PPM1L: variants seen among roughly 807,000 people sequenced by gnomAD.
The protein encoded by PPM1L is protein phosphatase 1L.
A neutral mutation model predicts 31.4 loss-of-function variants in PPM1L; 13 were observed. That is an observed-to-expected ratio of 0.41 (90% CI 0.27 to 0.66). The LOEUF (loss-of-function observed/expected upper bound fraction) is 0.66, where lower values mean the gene tolerates loss of function less well. Ranked by LOEUF, PPM1L falls within the 30% of genes least tolerant of loss-of-function variation. The probability of loss-of-function intolerance (pLI) is 0.29; values close to 1 mark genes in which losing one functional copy is unlikely to be tolerated. For synonymous variants in PPM1L, 184 were observed against 175.4 expected (o/e 1.05, Z -0.39); for missense variants, 326 against 453.7 (o/e 0.72, Z 2.56).
rs562643688 is a variant in PPM1L, at chr3:160,757,911, G to C, written c.399+1204G>C. On this transcript the variant is annotated intron_variant, in intron 1 of 3. Coordinates refer to ENST00000498165, the MANE Select transcript of PPM1L (RefSeq NM_139245.4). ...AGCATTTGCTTGTTCTTTGGCCTTT[G>C]TTTTGGGTAAACATTGAGAAAGCTT... Among the ~76,000 whole-genome samples the C allele has an allele frequency of 2.6e-5, 4 of 152,226 alleles. No individual in the cohort carries two copies. In the South Asian group the frequency reaches 8.3e-4, roughly 32 times the overall value.
chr3:160,927,692 A>C (rs970252560), intron 1 of PPM1L, among the ~76,000 whole-genome samples: 3 of 152,170 alleles, frequency 2.0e-5, no homozygotes, highest in Non-Finnish European at 2.9e-5. Context: ...TCTATAAGAA[A>C]AGCTATTTGC....
At chr3:161,047,865 G>A (rs140755549) in intron 2 of PPM1L, among the ~76,000 whole-genome samples, 246 of 152,294 alleles carry the variant, frequency 1.6e-3, no homozygotes, top group African/African-American at 5.7e-3. Context: ...GAATGGTGTT[G>A]GGAAAACTGG....
In PPM1L at chr3:161,074,201, A is replaced by C. The variant is rs1389178299; in HGVS notation, c.*5044A>C. 1 of 152,190 alleles carries C rather than the reference A, an allele frequency of 6.6e-6. No individual in the cohort carries two copies. Among genetic ancestry groups the C allele is most frequent in the Non-Finnish European group, 1.5e-5 (1 of 68,044 alleles). The allele number at this position is 152,190 out of a possible 1,614,324, so 9.4% of individuals were successfully genotyped here. On this transcript the variant is annotated 3_prime_UTR_variant, in exon 4 of 4. Transcript: ENST00000498165. ...GGATTCAGTGAAATAATTTGAAATC[A>C]ATTAGAGCTCATACCTTCTAAAACT... is the stretch of plus-strand genomic sequence containing the variant.
chr3:160,905,621 C>T (rs374664916), intron 1 of PPM1L, among the ~76,000 whole-genome samples: 154 of 152,074 alleles, frequency 1.0e-3, no homozygotes, highest in African/African-American at 3.5e-3. Context: ...TTGTTTTAAG[C>T]GATTATAACA....
At chr3:160,770,761 C>T (rs1318106739) in intron 1 of PPM1L, among the ~76,000 whole-genome samples, 1 of 152,204 alleles carries the variant, frequency 6.6e-6, no homozygotes, top group South Asian at 2.1e-4. Context: ...AGTGGGAGCT[C>T]TGGAGCCATT....
intron 1 of PPM1L, among the ~76,000 whole-genome samples, chr3:160,784,721 A>G (rs542495787): frequency 1.3e-5 from 2 of 152,330 alleles, no homozygotes; most frequent in African/African-American, 2.4e-5. Flanking sequence ...TAATCACTCT[A>G]TCAAACATTA....
chr3:161,048,378 C>T (rs1001139741), intron 2 of PPM1L, among the ~76,000 whole-genome samples: 29 of 152,074 alleles, frequency 1.9e-4, no homozygotes, highest in Non-Finnish European at 3.5e-4. Context: ...AACCACAATG[C>T]GATACCATCT....
At chr3:161,062,876 C>G (rs909521576) in intron 2 of PPM1L, among the ~76,000 whole-genome samples, 1 of 152,152 alleles carries the variant, frequency 6.6e-6, no homozygotes, top group Non-Finnish European at 1.5e-5. Flanking sequence ...AATGGAAACG[C>G]CTACTAGGCA....
At chr3:160,827,479 GTGTGTA>G (rs1713391551) in intron 1 of PPM1L, among the ~76,000 whole-genome samples, 1 of 150,766 alleles carries the variant, frequency 6.6e-6, no homozygotes, top group African/African-American at 2.4e-5. Flanking sequence ...GTGTGTGTGT[GTGTGTA>G]TGTATGTGTG....
chr3:160,827,481 G>GTGTGTGTGTGTGTGTGTGTATGTA (rs1553810064), intron 1 of PPM1L, among the ~76,000 whole-genome samples: 7 of 150,684 alleles, frequency 4.6e-5, no homozygotes, highest in Non-Finnish European at 7.4e-5. Flanking sequence ...GTGTGTGTGT[G>GTGTGTGTGTGTGTGTGTGTATGTA]TGTATGTATG....
rs1720108669 is a variant in PPM1L, at chr3:161,076,659, T to C, written c.*7502T>C. 1 of 152,138 alleles carries C rather than the reference T, an allele frequency of 6.6e-6. No individual in the cohort carries two copies. 9.4% of individuals were successfully genotyped at this position (152,138 alleles called of 1,614,324 possible). A position where few individuals can be genotyped will look rare whatever the true frequency, so the allele number is the denominator to read the frequency against. On this transcript the variant is annotated 3_prime_UTR_variant, in exon 4 of 4. Transcript: ENST00000498165. ...TTCAGGTCACAGAATTGAAATCTAT[T>C]TGATAATGTCTCAGCATTCTCATGG...
At chr3:161,064,831 G>C (rs1268669415) in intron 2 of PPM1L, among the ~76,000 whole-genome samples, 3 of 151,924 alleles carry the variant, frequency 2.0e-5, no homozygotes, top group Non-Finnish European at 4.4e-5. Flanking sequence ...CTGTCTTTAT[G>C]GTCTGCCTCC....
intron 1 of PPM1L, among the ~76,000 whole-genome samples, chr3:160,772,399 A>G (rs1447833508): frequency 1.3e-5 from 2 of 152,236 alleles, no homozygotes; most frequent in African/African-American, 4.8e-5. Context: ...TAGGATGGCA[A>G]CAGGAGTGCT....
intron 2 of PPM1L, among the ~76,000 whole-genome samples, chr3:161,020,905 A>T (rs73158252): frequency 0.099 from 15,005 of 152,010 alleles, 825 homozygotes; most frequent in East Asian, 0.24. Flanking sequence ...AAAGTTGGTA[A>T]TGATGTCCCT....
At chr3:160,866,397 T>A (rs1310397834) in intron 1 of PPM1L, among the ~76,000 whole-genome samples, 1 of 152,244 alleles carries the variant, frequency 6.6e-6, no homozygotes, top group Non-Finnish European at 1.5e-5. Context: ...AACAAAACTT[T>A]ACAATTTCAT....
At chr3:160,895,746 G>A (rs116689591) in intron 1 of PPM1L, among the ~76,000 whole-genome samples, 1,571 of 152,230 alleles carry the variant, frequency 0.01, 26 homozygotes, top group African/African-American at 0.036. Context: ...ATCTGTTGGT[G>A]AATAAAAAGG....
chr3:161,071,603 C>T lies in PPM1L; in HGVS notation c.*2446C>T, dbSNP rs1358685087. On this transcript the variant is annotated 3_prime_UTR_variant, in exon 4 of 4. Transcript: ENST00000498165. ...CCCATTACTGCCTCTTTCCCCCCTA[C>T]TATGGCTTGTAGATTTTCAAAAGAT... 6.6e-6 allele frequency: 1 copy of T among 152,216 alleles called. No homozygotes were observed. The highest frequency in any genetic ancestry group is 1.5e-5 in the Non-Finnish European group (1 of 68,040). 9.4% of individuals were successfully genotyped at this position (152,216 alleles called of 1,614,324 possible).
At chr3:160,876,567 G>T (rs146374923) in intron 1 of PPM1L, among the ~76,000 whole-genome samples, 231 of 152,340 alleles carry the variant, frequency 1.5e-3, no homozygotes, top group African/African-American at 5.4e-3. Context: ...CTCTGAAAGT[G>T]CTCCTGTTAC....
chr3:160,764,616 G>A (rs1409225037), intron 1 of PPM1L, among the ~76,000 whole-genome samples: 2 of 151,784 alleles, frequency 1.3e-5, no homozygotes, highest in Non-Finnish European at 2.9e-5. Context: ...ACAGGCACCC[G>A]CCACTATGCC....
Sources: allele counts gnomAD v4.1 joint callset (sites outside exome capture counted in the v4.1 genomes callset), GRCh38; gene constraint gnomAD v4.1.1; transcripts MANE v1.5; gene names NCBI Gene and HGNC (gene_info 2026-07-23, HGNC 2026-07-21).